PCLO: variants seen among roughly 807,000 people sequenced by gnomAD.
The protein encoded by PCLO is piccolo presynaptic cytomatrix protein, also known as protein piccolo.
PCLO carries 82 observed loss-of-function variants against 427.5 expected under a neutral mutation model. The ratio of observed to expected loss-of-function variants is 0.19; its 90% CI spans 0.16 to 0.23. The LOEUF (loss-of-function observed/expected upper bound fraction) is 0.23. Ranked by LOEUF, PCLO falls within the 10% of genes least tolerant of loss-of-function variation. The pLI is 1.00. For missense variants in PCLO, 6,239 were observed against 6,115.9 expected (o/e 1.02, Z -0.67); for synonymous variants, 2,357 against 2,155.4 (o/e 1.09, Z -2.59).
At chr7:82,875,858 TGA>T (rs1793356571) in intron 10 of PCLO, among the ~76,000 whole-genome samples, 1 of 152,020 alleles carries the variant, frequency 6.6e-6, no homozygotes, top group Non-Finnish European at 1.5e-5. Context: ...TAAAAGTCTG[TGA>T]TAAGAGAAAT....
chr7:82,826,708 C>T, intron 17 of PCLO, 48 bp from the exon 18 acceptor site: 1 of 1,218,062 alleles, frequency 8.2e-7, no homozygotes, highest in East Asian at 2.5e-5. Flanking sequence ...TTCCATCATA[C>T]ATTTTCATTA....
At chr7:82,781,308 T>C (rs1790866994) in intron 22 of PCLO, among the ~76,000 whole-genome samples, 1 of 151,902 alleles carries the variant, frequency 6.6e-6, no homozygotes, top group Non-Finnish European at 1.5e-5. Flanking sequence ...CTTCTAAAAA[T>C]AACCAACAAC....
chr7:83,146,805 T>G (rs1299835513), intron 2 of PCLO, among the ~76,000 whole-genome samples: 5 of 152,056 alleles, frequency 3.3e-5, no homozygotes, highest in Non-Finnish European at 7.4e-5. Context: ...TTTCACCATG[T>G]TGGCCAGGCT....
intron 3 of PCLO, among the ~76,000 whole-genome samples, chr7:83,022,286 A>G (rs1041736692): frequency 1.3e-5 from 2 of 152,164 alleles, no homozygotes; most frequent in African/African-American, 2.4e-5. Flanking sequence ...AAAGCAATAC[A>G]TTTTTGTTGT....
At chr7:82,871,527 G>C (rs1475811381) in intron 10 of PCLO, among the ~76,000 whole-genome samples, 3 of 151,798 alleles carry the variant, frequency 2.0e-5, no homozygotes, top group Non-Finnish European at 4.4e-5. Flanking sequence ...ATAACTTCTA[G>C]AGTTTGATAG....
intron 10 of PCLO, among the ~76,000 whole-genome samples, chr7:82,875,707 G>A (rs1793353227): frequency 6.6e-6 from 1 of 152,072 alleles, no homozygotes; most frequent in Non-Finnish European, 1.5e-5. Flanking sequence ...CCTGTTATAT[G>A]CTAGGTAGCC....
rs1795505660 is a variant in PCLO, at chr7:82,955,964, C to G, written c.4989G>C (p.Gly1663=). 3.1e-6 allele frequency: 5 copies of G among 1,613,446 alleles called. No individual in the cohort carries two copies. Among genetic ancestry groups the G allele is most frequent in the Non-Finnish European group, 4.2e-6 (5 of 1,179,828 alleles). The change falls in exon 5 of 25, where the codon GGG becomes GGC. Residue 1663 remains glycine (G), a synonymous_variant. Transcript: ENST00000333891. The part of the protein sequence containing the change: ...SEELVVTGGG[G]LRRFKTIELN... The stretch of plus-strand genomic sequence containing the variant: ...GCTCAATTGTTTTAAATCGGCGTAG[C>G]CCTCCTCCTCCAGTAACTACAAGTT...
intron 3 of PCLO, among the ~76,000 whole-genome samples, chr7:83,077,110 T>C (rs1340974748): frequency 5.3e-5 from 8 of 152,134 alleles, no homozygotes; most frequent in Admixed American, 5.2e-4. Context: ...TTGACTAAAA[T>C]ATGACTATAG....
intron 4 of PCLO, among the ~76,000 whole-genome samples, chr7:82,957,144 T>C (rs1046325148): frequency 3.3e-5 from 5 of 152,190 alleles, no homozygotes; most frequent in African/African-American, 7.2e-5. Context: ...TTTAATTAAA[T>C]GTCAATTCTC....
At position 82,858,291 on chromosome 7, in the gene PCLO, C is replaced by A. The variant is rs577496041; in HGVS notation, c.13655-11044G>T. Among the ~76,000 whole-genome samples the A allele has an allele frequency of 8.7e-4, 133 of 152,234 alleles. 1 individual carries two copies. The highest frequency in any genetic ancestry group is 3.1e-3 in the African/African-American group (127 of 41,564). ...TCCTCTCATGACAAAAAACTCTCAACAAATTGTGTATACAAGGAATATACC... is the reference window on the plus strand; with the variant it reads ...TCCTCTCATGACAAAAAACTCTCAAAAAATTGTGTATACAAGGAATATACC... On this transcript the variant is annotated intron_variant, in intron 10 of 24. Transcript: ENST00000333891.
At chr7:82,981,285 T>C (rs1262946407) in intron 3 of PCLO, among the ~76,000 whole-genome samples, 1 of 149,830 alleles carries the variant, frequency 6.7e-6, no homozygotes, top group African/African-American at 2.5e-5. Flanking sequence ...CAGAGGGTAC[T>C]TAGGCCAGAG....
chr7:82,759,224 A>G (rs1398976360), intron 24 of PCLO, among the ~76,000 whole-genome samples: 2 of 151,998 alleles, frequency 1.3e-5, no homozygotes, highest in East Asian at 3.9e-4. Flanking sequence ...TGCAGAACTT[A>G]TCACAAGGGT....
At chr7:82,894,082 T>C (rs1467318714) in intron 9 of PCLO, among the ~76,000 whole-genome samples, 4 of 151,996 alleles carry the variant, frequency 2.6e-5, no homozygotes, top group African/African-American at 9.7e-5. Flanking sequence ...CAGAGAAATA[T>C]GGTATTTTTA....
At chr7:82,945,249 G>A (rs1027576050) in intron 6 of PCLO, among the ~76,000 whole-genome samples, 1 of 152,054 alleles carries the variant, frequency 6.6e-6, no homozygotes. Context: ...GTCCGGTTAC[G>A]TAAATGTCAA....
chr7:82,927,912 G>A (rs10954695), intron 6 of PCLO, among the ~76,000 whole-genome samples: 53,382 of 151,920 alleles, frequency 0.35, 9,759 homozygotes, highest in East Asian at 0.49. Flanking sequence ...GTTAGCTTCA[G>A]AAAATGGGAG....
chr7:82,779,746 C>CT (rs397976054), intron 22 of PCLO, among the ~76,000 whole-genome samples: 16,995 of 134,304 alleles, frequency 0.13, 2,038 homozygotes, highest in African/African-American at 0.31. Context: ...TTCTTTCTTT[C>CT]TTTTTTTTTT....
chr7:82,903,519 G>A (rs1003465441), intron 8 of PCLO, among the ~76,000 whole-genome samples: 5 of 151,830 alleles, frequency 3.3e-5, no homozygotes, highest in African/African-American at 1.2e-4. Flanking sequence ...GTTTCCACCT[G>A]GTGAAACATC....
chr7:83,065,059 A>C lies in PCLO; in HGVS notation c.3300+69191T>G, dbSNP rs1789633978. ...CATCTTTGCAAAGCTTGGGTTCCAA[A>C]AAAAAAAAAAAAGAGAGACTAAGTG... On this transcript the variant is annotated intron_variant, in intron 3 of 24. Transcript: ENST00000333891. Among the ~76,000 whole-genome samples the C allele has an allele frequency of 2.0e-5, 3 of 147,194 alleles. No homozygotes were observed. In the South Asian group the frequency reaches 6.3e-4, roughly 31 times the overall value.
At chr7:82,824,542 G>C in intron 18 of PCLO, 126 bp from the exon 19 acceptor site, 2 of 513,778 alleles carry the variant, frequency 3.9e-6, no homozygotes, top group Non-Finnish European at 6.6e-6. Flanking sequence ...TTTTGAGGAT[G>C]ATGATTCTTT....
Sources: allele counts gnomAD v4.1 joint callset (sites outside exome capture counted in the v4.1 genomes callset), GRCh38; gene constraint gnomAD v4.1.1; transcripts MANE v1.5; gene names NCBI Gene and HGNC (gene_info 2026-07-23, HGNC 2026-07-21).